The following TRAPPC9 variants were observed in gnomAD, a reference collection of about 807,000 sequenced individuals.
The protein encoded by TRAPPC9 is trafficking protein particle complex subunit 9, also known as IKK2 binding protein.
TRAPPC9 carries 83 observed loss-of-function variants against 124.0 expected under a neutral mutation model. The observed-to-expected ratio is 0.67, with a 90% CI of 0.56 to 0.80. The LOEUF is 0.80. Among genes scored for constraint, TRAPPC9 ranks in the 30% least tolerant of loss-of-function variants. TRAPPC9 has a pLI of 0.00. For missense variants in TRAPPC9, 1,302 were observed against 1,508.3 expected (o/e 0.86, Z 2.27); for synonymous variants, 638 against 617.5 (o/e 1.03, Z -0.49).
intron 21 of TRAPPC9, among the ~76,000 whole-genome samples, chr8:139,802,609 A>G (rs990009183): frequency 1.3e-5 from 2 of 152,236 alleles, no homozygotes; most frequent in Middle Eastern, 3.2e-3. Flanking sequence ...GCAAGCTTTC[A>G]AATCCTGTAA....
At chr8:139,800,125 C>T (rs549104236) in intron 21 of TRAPPC9, among the ~76,000 whole-genome samples, 16 of 152,354 alleles carry the variant, frequency 1.1e-4, no homozygotes, top group East Asian at 9.7e-4. Flanking sequence ...TTGTACTGGA[C>T]GGGCCAGACT....
At chr8:140,249,124 T>C (rs1225932460) in intron 16 of TRAPPC9, among the ~76,000 whole-genome samples, 1 of 152,134 alleles carries the variant, frequency 6.6e-6, no homozygotes, top group Non-Finnish European at 1.5e-5. Flanking sequence ...AGTGATTCTG[T>C]CATCCGGACA....
In TRAPPC9 at chr8:139,788,917, A is replaced by T. The variant is rs994811032; in HGVS notation, c.3056-56715T>A. ...TCTGCAGGTCAGACCAAAGTTTTAA[A>T]AGAAAAGCCCACGTGGGGAGCATTT... On this transcript the variant is annotated intron_variant, in intron 21 of 22. Transcript: ENST00000438773. This position sits in a 1 kb window ranked among gnomAD's most constrained non-coding sequence, Gnocchi z 4.9. Among the ~76,000 whole-genome samples, 1 of 152,220 alleles carries T rather than the reference A, an allele frequency of 6.6e-6. No individual in the cohort carries two copies. The highest frequency in any genetic ancestry group is 2.4e-5 in the African/African-American group (1 of 41,456).
chr8:139,759,467 C>T (rs1323169421), intron 21 of TRAPPC9, among the ~76,000 whole-genome samples: 1 of 152,158 alleles, frequency 6.6e-6, no homozygotes, highest in African/African-American at 2.4e-5. Context: ...GTGTCCTGGG[C>T]TGTGCCACGT....
intron 17 of TRAPPC9, among the ~76,000 whole-genome samples, chr8:140,055,093 A>G (rs1842221302): frequency 6.6e-6 from 1 of 152,230 alleles, no homozygotes; most frequent in African/African-American, 2.4e-5. Context: ...ACCTTATTAA[A>G]AACTACAGGC....
chr8:139,925,445 C>T (rs886970541), intron 19 of TRAPPC9, among the ~76,000 whole-genome samples: 3 of 152,036 alleles, frequency 2.0e-5, no homozygotes, highest in African/African-American at 4.8e-5. Flanking sequence ...CAGACCCAAC[C>T]GAACAGTACA....
chr8:140,083,104 A>G (rs1843942163), intron 17 of TRAPPC9, among the ~76,000 whole-genome samples: 1 of 152,162 alleles, frequency 6.6e-6, no homozygotes, highest in Non-Finnish European at 1.5e-5. Flanking sequence ...GAAGCAGGAG[A>G]ATCGCTTGAA....
chr8:140,209,573 A>G (rs1446500614), intron 17 of TRAPPC9, among the ~76,000 whole-genome samples: 1 of 152,242 alleles, frequency 6.6e-6, no homozygotes, highest in Non-Finnish European at 1.5e-5. Context: ...TTTATGCTTA[A>G]ACTTTGTGGA....
rs1174869898 is a variant in TRAPPC9 at position 139,885,975 on chromosome 8, C to A, written c.2965-6G>T. 6.4e-7 allele frequency: 1 copy of A among 1,561,388 alleles called. No individual in the cohort carries two copies. Among genetic ancestry groups the A allele is most frequent in the Non-Finnish European group, 8.7e-7 (1 of 1,152,126 alleles). On this transcript the variant is annotated splice_region_variant and splice_polypyrimidine_tract_variant and intron_variant, in intron 20 of 22. Coordinates refer to ENST00000438773, the MANE Select transcript of TRAPPC9 (RefSeq NM_001160372.4). The stretch of plus-strand genomic sequence containing the variant: ...CCACTGCGCTTCAGGGAGGGGTGAG[C>A]CTTGGTCAAGGAAAACGCAACTCCT...
In TRAPPC9 at chr8:140,450,959, C is replaced by T. The variant is rs775795463; in HGVS notation, c.415G>A (p.Glu139Lys). ...RTDVAFYPNYEDCQTVEKRIE... is the reference protein window; with the variant it reads ...RTDVAFYPNYKDCQTVEKRIE... ...CTCTTCTCCACCGTCTGGCAGTCCTCGTAGTTGGGGTAGAAAGCCACGTCG... is the reference window on the plus strand; with the variant it reads ...CTCTTCTCCACCGTCTGGCAGTCCTTGTAGTTGGGGTAGAAAGCCACGTCG... The change falls in exon 2 of 23, where the codon GAG becomes AAG. Residue 139 changes from glutamate (E) to lysine (K), a missense_variant. By Grantham distance (56) the Glu-to-Lys change is moderately conservative. Coordinates refer to ENST00000438773, the MANE Select transcript of TRAPPC9 (RefSeq NM_001160372.4). 12 of 1,614,122 alleles carry T rather than the reference C, an allele frequency of 7.4e-6. No individual in the cohort carries two copies. Among genetic ancestry groups the T allele is most frequent in the Non-Finnish European group, 1.0e-5 (12 of 1,180,022 alleles).
intron 11 of TRAPPC9, among the ~76,000 whole-genome samples, chr8:140,293,069 C>T (rs181952912): frequency 6.7e-6 from 1 of 148,224 alleles, no homozygotes; most frequent in Non-Finnish European, 1.5e-5. Context: ...TCAACAGACA[C>T]TTCTGAAAAG....
At chr8:139,883,071 C>A (rs1829777704) in intron 21 of TRAPPC9, among the ~76,000 whole-genome samples, 1 of 152,188 alleles carries the variant, frequency 6.6e-6, no homozygotes, top group Non-Finnish European at 1.5e-5. Flanking sequence ...GAGGGCTCTG[C>A]CCTCATGAAT....
At chr8:140,375,880 C>T (rs377319051) in intron 7 of TRAPPC9, among the ~76,000 whole-genome samples, 1 of 152,136 alleles carries the variant, frequency 6.6e-6, no homozygotes, top group Non-Finnish European at 1.5e-5. Context: ...AAATGATGAC[C>T]GTGGGAGAAT....
At chr8:139,952,197 A>C (rs1231382403) in intron 19 of TRAPPC9, among the ~76,000 whole-genome samples, 1 of 152,174 alleles carries the variant, frequency 6.6e-6, no homozygotes, top group East Asian at 1.9e-4. Context: ...TTACTTTCAG[A>C]ATTAGATTAA....
intron 21 of TRAPPC9, among the ~76,000 whole-genome samples, chr8:139,867,065 C>A (rs535245575): frequency 1.3e-5 from 2 of 152,270 alleles, no homozygotes; most frequent in East Asian, 3.9e-4. Flanking sequence ...GAACTCTAAC[C>A]TCAAGTGATC....
chr8:140,313,391 C>A (rs2066355153), intron 9 of TRAPPC9, among the ~76,000 whole-genome samples: 1 of 152,222 alleles, frequency 6.6e-6, no homozygotes, highest in Admixed American at 6.5e-5. Context: ...AAAGGCACCA[C>A]AGTGTATCAC....
chr8:140,105,559 T>C (rs1173995641), intron 17 of TRAPPC9, among the ~76,000 whole-genome samples: 4 of 152,178 alleles, frequency 2.6e-5, no homozygotes, highest in African/African-American at 9.7e-5. Flanking sequence ...GCCCTATCTT[T>C]TCACGCTTCC....
At chr8:139,740,674 G>C (rs973712724) in intron 21 of TRAPPC9, among the ~76,000 whole-genome samples, 4 of 152,238 alleles carry the variant, frequency 2.6e-5, no homozygotes, top group Admixed American at 6.5e-5. Context: ...GGTAGGCAGG[G>C]GAGGCAGTTC....
At chr8:140,050,971 G>A (rs1459707451) in intron 17 of TRAPPC9, among the ~76,000 whole-genome samples, 3 of 152,198 alleles carry the variant, frequency 2.0e-5, no homozygotes, top group South Asian at 2.1e-4. Flanking sequence ...GGAAGTCACC[G>A]AAACAGTCCT....
Sources: gnomAD v4.1 joint callset for allele counts (sites outside exome capture counted in the v4.1 genomes callset) on GRCh38, gnomAD v4.1.1 for gene constraint, Gnocchi (gnomAD v3.1) non-coding constraint, MANE v1.5 for transcripts, NCBI Gene and HGNC (gene_info 2026-07-23, HGNC 2026-07-21) for gene names.